The following HDAC9 variants were observed in gnomAD, a reference collection of about 807,000 sequenced individuals.
HDAC9 encodes the protein MEF-2 interacting transcription repressor (MITR) protein.
HDAC9 carries 41 observed loss-of-function variants against 139.4 expected under a neutral mutation model. The ratio of observed to expected loss-of-function variants is 0.29; its 90% CI spans 0.23 to 0.38. The LOEUF is 0.38. Ranked by LOEUF, HDAC9 falls within the 10% of genes least tolerant of loss-of-function variation. The pLI is 1.00. For missense variants in HDAC9, 1,147 were observed against 1,297.0 expected (o/e 0.88, Z 1.78); for synonymous variants, 517 against 476.2 (o/e 1.09, Z -1.12).
At chr7:18,168,993 A>G (rs944863754) in intron 2 of HDAC9, among the ~76,000 whole-genome samples, 1 of 148,350 alleles carries the variant, frequency 6.7e-6, no homozygotes, top group Non-Finnish European at 1.5e-5. Context: ...GCTGGAGTGC[A>G]ATGGCATGAT....
intron 1 of HDAC9, among the ~76,000 whole-genome samples, chr7:18,417,288 A>G (rs199999084): frequency 2.6e-5 from 4 of 152,090 alleles, no homozygotes; most frequent in East Asian, 3.9e-4. Flanking sequence ...CATCTTTTTT[A>G]TATCTTCTGT....
intron 1 of HDAC9, among the ~76,000 whole-genome samples, chr7:18,443,243 TTAGA>T (rs1585941070): frequency 6.6e-6 from 1 of 152,316 alleles, no homozygotes; most frequent in East Asian, 1.9e-4. Context: ...TCCACAGGGA[TTAGA>T]TAAATTATAT....
In HDAC9 at chr7:18,400,550, C is replaced by T. The variant is rs75922820; in HGVS notation, c.-41-95712C>T. ...TGGGGTCATCCATTGAGAGGATAGCCGGGAGGTATGAATGGGAACTTGAAA... is the reference window on the plus strand; with the variant it reads ...TGGGGTCATCCATTGAGAGGATAGCTGGGAGGTATGAATGGGAACTTGAAA... On this transcript the variant is annotated intron_variant, in intron 1 of 3. Coordinates refer to the HDAC9 transcript ENST00000413509. Among the ~76,000 whole-genome samples the T allele has an allele frequency of 5.3e-4, 80 of 152,138 alleles. 1 individual carries two copies. The East Asian group carries it at 0.013, about 25-fold the overall frequency.
Position 18,816,631 on chromosome 7 carries a change from C to G in HDAC9, c.2323-12530C>G, listed in dbSNP as rs915450067. 2.4e-4 allele frequency among the ~76,000 whole-genome samples: 36 copies of G among 152,334 alleles called. 1 individual carries two copies. The highest frequency in any genetic ancestry group is 2.2e-3 in the Admixed American group (33 of 15,300). ...TGCAGGAGGAAAGACTTCGTTTTCT[C>G]TCTCTGCTCCTAAATTGGTTTCTGG... On this transcript the variant is annotated intron_variant, in intron 17 of 25. Transcript: ENST00000686413.
In HDAC9 at chr7:18,920,528, A is replaced by G. The variant is rs555380885; in HGVS notation, c.2804-15281A>G. Among the ~76,000 whole-genome samples the G allele has an allele frequency of 3.7e-3, 567 of 152,230 alleles. 2 individuals carry two copies. The highest frequency in any genetic ancestry group is 5.6e-3 in the Non-Finnish European group (379 of 68,010). ...TGCCCTGACCAGAACTTCCAACACT[A>G]TGTTGAGTAGGAGTGGTGAGAGAGG... On this transcript the variant is annotated intron_variant, in intron 22 of 25. Coordinates refer to ENST00000686413, the MANE Select transcript of HDAC9 (RefSeq NM_178425.4).
intron 13 of HDAC9, among the ~76,000 whole-genome samples, chr7:18,742,927 A>G (rs771002206): frequency 6.6e-6 from 1 of 151,790 alleles, no homozygotes; most frequent in African/African-American, 2.4e-5. Context: ...TTGGTCTCTG[A>G]TGTTATAGGA....
At chr7:18,646,753 AG>A (rs1209131061) in intron 9 of HDAC9, among the ~76,000 whole-genome samples, 1 of 152,198 alleles carries the variant, frequency 6.6e-6, no homozygotes, top group Non-Finnish European at 1.5e-5. Context: ...CTTTTGTAAT[AG>A]CAAAATGACC....
intron 17 of HDAC9, among the ~76,000 whole-genome samples, chr7:18,810,708 T>G (rs1213523094): frequency 2.0e-5 from 3 of 151,908 alleles, no homozygotes; most frequent in Non-Finnish European, 4.4e-5. Flanking sequence ...GACACTGATC[T>G]GTTTTTTCAT....
chr7:18,379,048 T>C (rs1785219349), intron 1 of HDAC9, among the ~76,000 whole-genome samples: 1 of 152,210 alleles, frequency 6.6e-6, no homozygotes, highest in Admixed American at 6.5e-5. Context: ...TGAGGCTCTA[T>C]GTTTGTAGTT....
chr7:18,234,461 C>T (rs1793681553), intron 2 of HDAC9, among the ~76,000 whole-genome samples: 1 of 152,146 alleles, frequency 6.6e-6, no homozygotes, highest in Admixed American at 6.5e-5. Context: ...ATTCCATCTA[C>T]TCATTTATTA....
Position 18,574,718 on chromosome 7 carries a change from C to G in HDAC9, c.23-10563C>G, listed in dbSNP as rs188555577. 7.3e-3 allele frequency among the ~76,000 whole-genome samples: 1,117 copies of G among 152,344 alleles called. 10 individuals are homozygous for G. The highest frequency in any genetic ancestry group is 0.025 in the African/African-American group (1,054 of 41,574). On this transcript the variant is annotated intron_variant, in intron 2 of 25. Transcript: ENST00000686413. ...CAAAGGAGGCCAAGACGACAGGGGG[C>G]TGGCGTGTCAGTGCTGCCCTGAGCA...
intron 1 of HDAC9, among the ~76,000 whole-genome samples, chr7:18,311,423 G>T (rs611407): frequency 0.99 from 150,624 of 152,206 alleles, 74,544 homozygotes; most frequent in East Asian, 1. Context: ...TTTAATTTCA[G>T]TTTTAAAAGT....
intron 1 of HDAC9, among the ~76,000 whole-genome samples, chr7:18,150,412 G>A (rs957899191): frequency 2.6e-5 from 4 of 152,146 alleles, no homozygotes; most frequent in South Asian, 2.1e-4. Context: ...AGGGAATGGC[G>A]ATTCTAGAAG....
intron 1 of HDAC9, among the ~76,000 whole-genome samples, chr7:18,441,935 CT>C (rs944949119): frequency 6.6e-6 from 1 of 151,622 alleles, no homozygotes; most frequent in African/African-American, 2.4e-5. Context: ...GCCCGGCTAA[CT>C]TTTTTTTGTA....
intron 2 of HDAC9, among the ~76,000 whole-genome samples, chr7:18,174,770 A>G (rs1306885567): frequency 6.6e-6 from 1 of 152,266 alleles, no homozygotes; most frequent in South Asian, 2.1e-4. Context: ...TTGCCTGGGT[A>G]TCACCAGTGG....
chr7:18,698,497 G>T (rs544577151), intron 12 of HDAC9, among the ~76,000 whole-genome samples: 1 of 152,184 alleles, frequency 6.6e-6, no homozygotes, highest in Non-Finnish European at 1.5e-5. Flanking sequence ...TTAATAGCTT[G>T]CCACACTTTG....
intron 23 of HDAC9, among the ~76,000 whole-genome samples, chr7:18,944,038 A>T (rs1782202947): frequency 6.6e-6 from 1 of 152,190 alleles, no homozygotes; most frequent in African/African-American, 2.4e-5. Context: ...ATGACTCATG[A>T]ATCACAATTT....
intron 24 of HDAC9, 26 bp from the exon 25 acceptor site, chr7:18,975,780 T>C (rs1392251004): frequency 2.5e-6 from 4 of 1,609,374 alleles, no homozygotes; most frequent in East Asian, 2.2e-5. Context: ...ACAATTCTTA[T>C]GAAGTATGAT....
At chr7:18,295,994 A>C (rs1035866979) in intron 1 of HDAC9, among the ~76,000 whole-genome samples, 5 of 152,116 alleles carry the variant, frequency 3.3e-5, no homozygotes, top group African/African-American at 9.7e-5. Flanking sequence ...TCTTCACTAG[A>C]ATTTTTCTGC....
Sources: gnomAD v4.1 joint callset for allele counts (sites outside exome capture counted in the v4.1 genomes callset) on GRCh38, gnomAD v4.1.1 for gene constraint, MANE v1.5 for transcripts, NCBI Gene and HGNC (gene_info 2026-07-23, HGNC 2026-07-21) for gene names.